The following PDE3B variants were observed in gnomAD, a reference collection of about 807,000 sequenced individuals.
PDE3B encodes the protein phosphodiesterase 3B.
PDE3B carries 66 observed loss-of-function variants against 116.8 expected under a neutral mutation model. The observed-to-expected ratio is 0.56, with a 90% CI of 0.46 to 0.69. PDE3B has a LOEUF of 0.69. Among genes scored for constraint, PDE3B ranks in the 30% least tolerant of loss-of-function variants. The pLI is 0.00. For synonymous variants in PDE3B, 595 were observed against 533.6 expected, an observed-to-expected ratio of 1.12 and a Z score of -1.59; for missense variants, 1,384 against 1,368.1, an observed-to-expected ratio of 1.01 and a Z score of -0.18.
At chr11:14,693,230 C>T (rs1855097923) in intron 1 of PDE3B, among the ~76,000 whole-genome samples, 1 of 152,142 alleles carries the variant, frequency 6.6e-6, no homozygotes, top group Non-Finnish European at 1.5e-5. Context: ...GCAACTATCT[C>T]CATAACATAA....
chr11:14,737,075 A>C (rs544177897), intron 1 of PDE3B, among the ~76,000 whole-genome samples: 1 of 152,238 alleles, frequency 6.6e-6, no homozygotes, highest in East Asian at 1.9e-4. Flanking sequence ...TATCTATTAC[A>C]TAGGCTCGTA....
At chr11:14,804,107 T>C in intron 5 of PDE3B, 57 bp downstream of exon 5, 1 of 886,342 alleles carries the variant, frequency 1.1e-6, no homozygotes, top group Non-Finnish European at 1.9e-6. Context: ...TATGGTAGTG[T>C]AAACACTTTT....
At chr11:14,687,357 T>A (rs1318328402) in intron 1 of PDE3B, among the ~76,000 whole-genome samples, 1 of 152,174 alleles carries the variant, frequency 6.6e-6, no homozygotes, top group Non-Finnish European at 1.5e-5. Flanking sequence ...TTGATTTGAA[T>A]TATTTGAATC....
intron 1 of PDE3B, among the ~76,000 whole-genome samples, chr11:14,756,724 A>G (rs1857190302): frequency 6.6e-6 from 1 of 152,136 alleles, no homozygotes; most frequent in African/African-American, 2.4e-5. Context: ...ACATGGTAAC[A>G]TATTCTAAGT....
intron 1 of PDE3B, chr11:14,673,749 C>G (rs566489013): frequency 2.6e-6 from 2 of 771,844 alleles, no homozygotes; most frequent in Admixed American, 1.7e-5. Flanking sequence ...TGCTCCAATT[C>G]GTACAAGTAA....
At chr11:14,645,095 C>T in intron 1 of PDE3B, 42 bp downstream of exon 1, 2 of 1,348,686 alleles carry the variant, frequency 1.5e-6, no homozygotes, top group Non-Finnish European at 1.9e-6. Context: ...CGAGCGGGTT[C>T]GGGTTTACCG....
intron 7 of PDE3B, among the ~76,000 whole-genome samples, chr11:14,826,358 A>G (rs1440880582): frequency 6.6e-6 from 1 of 152,170 alleles, no homozygotes; most frequent in African/African-American, 2.4e-5. Flanking sequence ...AATTAGTAAG[A>G]TAAATAGGCT....
intron 1 of PDE3B, among the ~76,000 whole-genome samples, chr11:14,702,439 T>C (rs1855393443): frequency 6.6e-6 from 1 of 151,776 alleles, no homozygotes; most frequent in Non-Finnish European, 1.5e-5. Flanking sequence ...ACCCTATCTT[T>C]GGTTTATTTG....
At chr11:14,897,994 C>G in the PDE3B span, among the ~76,000 whole-genome samples, 13 of 152,156 alleles carry the variant, frequency 8.5e-5, no homozygotes, top group Non-Finnish European at 1.6e-4. Flanking sequence ...CTGTATTACT[C>G]TTTTCCTGAA....
chr11:14,691,728 G>T (rs1855046024), intron 1 of PDE3B, among the ~76,000 whole-genome samples: 1 of 152,134 alleles, frequency 6.6e-6, no homozygotes, highest in South Asian at 2.1e-4. Flanking sequence ...CGTATATATT[G>T]TCAGATAGTA....
chr11:14,685,088 T>C (rs190842205), intron 1 of PDE3B, among the ~76,000 whole-genome samples: 122 of 152,304 alleles, frequency 8.0e-4, no homozygotes, highest in African/African-American at 2.7e-3. Context: ...AGTATTAATT[T>C]TGGGAACTGA....
At chr11:14,688,194 T>TCC (rs1854943945) in intron 1 of PDE3B, among the ~76,000 whole-genome samples, 1 of 143,166 alleles carries the variant, frequency 7.0e-6, no homozygotes, top group South Asian at 2.6e-4. Flanking sequence ...CCTCTCCCTC[T>TCC]TCTCTCTCTC....
At chr11:14,844,776 G>C (rs1201133154) in intron 12 of PDE3B, among the ~76,000 whole-genome samples, 1 of 152,250 alleles carries the variant, frequency 6.6e-6, no homozygotes, top group African/African-American at 2.4e-5. Context: ...CAGCAGCAAG[G>C]CTGGGGAAAG....
chr11:14,726,447 A>T (rs1244061125), intron 1 of PDE3B, among the ~76,000 whole-genome samples: 2 of 152,182 alleles, frequency 1.3e-5, no homozygotes, highest in Non-Finnish European at 2.9e-5. Context: ...TGGAGCTCAG[A>T]GGAGATTTCA....
intron 1 of PDE3B, among the ~76,000 whole-genome samples, chr11:14,751,934 G>A (rs1857068040): frequency 6.6e-6 from 1 of 152,062 alleles, no homozygotes; most frequent in Non-Finnish European, 1.5e-5. Context: ...TGAAAATCCT[G>A]GGACAGAAAG....
At chr11:14,861,754 G>A (rs1434764172) in intron 14 of PDE3B, among the ~76,000 whole-genome samples, 1 of 152,164 alleles carries the variant, frequency 6.6e-6, no homozygotes, top group Non-Finnish European at 1.5e-5. Flanking sequence ...TTATTTAAAA[G>A]CTTTAGAGCA....
intron 2 of PDE3B, among the ~76,000 whole-genome samples, chr11:14,781,232 G>T (rs1004381178): frequency 6.6e-6 from 1 of 152,142 alleles, no homozygotes; most frequent in Non-Finnish European, 1.5e-5. Context: ...TCTACCAGAG[G>T]TACAAAGAGG....
At chr11:14,738,533 A>T (rs566007740) in intron 1 of PDE3B, among the ~76,000 whole-genome samples, 1 of 152,312 alleles carries the variant, frequency 6.6e-6, no homozygotes, top group East Asian at 1.9e-4. Context: ...AGATGGATAG[A>T]TTGCAAAAAT....
intron 1 of PDE3B, among the ~76,000 whole-genome samples, chr11:14,660,020 A>G (rs1853842599): frequency 6.6e-6 from 1 of 152,178 alleles, no homozygotes; most frequent in South Asian, 2.1e-4. Context: ...ATTCCATAAA[A>G]GGTTCTCTTT....
Sources: allele counts gnomAD v4.1 joint callset (sites outside exome capture counted in the v4.1 genomes callset), GRCh38; gene constraint gnomAD v4.1.1; transcripts MANE v1.5; gene names NCBI Gene and HGNC (gene_info 2026-07-23, HGNC 2026-07-21).